The following ADGRB3 variants were observed in gnomAD, a reference collection of about 807,000 sequenced individuals.
ADGRB3 encodes the protein adhesion G protein-coupled receptor B3, also known as brain-specific angiogenesis inhibitor 3.
A neutral mutation model predicts 193.4 loss-of-function variants in ADGRB3; 37 were observed. That is an observed-to-expected ratio of 0.19 (90% CI 0.15 to 0.25). ADGRB3 has a LOEUF of 0.25. ADGRB3 is among the 10% of genes least tolerant of loss of function. ADGRB3 has a pLI of 1.00. For missense variants in ADGRB3, 1,637 were observed against 1,852.9 expected (o/e 0.88, Z 2.14); for synonymous variants, 690 against 644.2 (o/e 1.07, Z -1.08).
chr6:69,384,747 A>G (rs900554743), intron 31 of ADGRB3, among the ~76,000 whole-genome samples: 1 of 151,964 alleles, frequency 6.6e-6, no homozygotes, highest in Non-Finnish European at 1.5e-5. Context: ...TAGAGTTGTC[A>G]TTGCTGCTTG....
In ADGRB3 at chr6:69,261,717, T is replaced by C. The variant is rs138094444; in HGVS notation, c.2814+22491T>C. 3.3e-3 allele frequency among the ~76,000 whole-genome samples: 495 copies of C among 152,166 alleles called. 2 individuals are homozygous for C. The highest frequency in any genetic ancestry group is 0.011 in the African/African-American group (468 of 41,576). Reference sequence around the variant, plus strand: ...GTATTCATGGTAAATATTTGGTTTATGTTATATAGTACTTATTTCAGTAAT... The same window carrying C: ...GTATTCATGGTAAATATTTGGTTTACGTTATATAGTACTTATTTCAGTAAT... On this transcript the variant is annotated intron_variant, in intron 20 of 31. Coordinates refer to ENST00000370598, the MANE Select transcript of ADGRB3 (RefSeq NM_001704.3).
intron 3 of ADGRB3, among the ~76,000 whole-genome samples, chr6:68,717,904 A>G (rs1259214853): frequency 6.6e-6 from 1 of 151,726 alleles, no homozygotes; most frequent in Non-Finnish European, 1.5e-5. Context: ...CCTGGTAGAA[A>G]GAATAACTGA....
intron 30 of ADGRB3, among the ~76,000 whole-genome samples, chr6:69,373,544 T>TA (rs562165328): frequency 6.6e-6 from 1 of 152,122 alleles, no homozygotes; most frequent in Non-Finnish European, 1.5e-5. Context: ...AGCCTCATTG[T>TA]AGTAACTTAG....
intron 20 of ADGRB3, among the ~76,000 whole-genome samples, chr6:69,244,251 CT>C (rs1766444003): frequency 6.6e-6 from 1 of 151,732 alleles, no homozygotes; most frequent in Non-Finnish European, 1.5e-5. Context: ...GGTTATTTAC[CT>C]TTTATAAAGA....
chr6:68,838,173 T>C (rs1315752770), intron 3 of ADGRB3, among the ~76,000 whole-genome samples: 1 of 152,152 alleles, frequency 6.6e-6, no homozygotes, highest in Admixed American at 6.6e-5. Flanking sequence ...CTGGAGGCTT[T>C]CTCTTAAAAG....
intron 23 of ADGRB3, chr6:69,331,648 A>G: frequency 1.0e-6 from 1 of 985,382 alleles, no homozygotes; most frequent in Non-Finnish European, 1.2e-6. Context: ...ACTATTAGAC[A>G]CCTTTTTTGT....
intron 3 of ADGRB3, among the ~76,000 whole-genome samples, chr6:68,715,919 A>G (rs2064389): frequency 0.82 from 123,788 of 151,608 alleles, 50,804 homozygotes; most frequent in Middle Eastern, 0.93. Context: ...TTCTTGGAGT[A>G]GGTGTATTGG....
chr6:69,321,069 A>G (rs1768446086), intron 20 of ADGRB3, among the ~76,000 whole-genome samples: 1 of 151,690 alleles, frequency 6.6e-6, no homozygotes, highest in African/African-American at 2.4e-5. Flanking sequence ...ATTTTGGGCT[A>G]TGGTACATAT....
chr6:69,114,085 C>G (rs1773453040), intron 17 of ADGRB3, among the ~76,000 whole-genome samples: 1 of 152,104 alleles, frequency 6.6e-6, no homozygotes, highest in East Asian at 1.9e-4. Context: ...CTTAATATGG[C>G]TTTAGTAATT....
At chr6:68,815,356 G>A (rs1767608916) in intron 3 of ADGRB3, among the ~76,000 whole-genome samples, 1 of 152,078 alleles carries the variant, frequency 6.6e-6, no homozygotes, top group Non-Finnish European at 1.5e-5. Context: ...GGTAATTACA[G>A]TATTGACGTG....
chr6:69,164,071 G>A (rs1005134350), intron 17 of ADGRB3, among the ~76,000 whole-genome samples: 1 of 152,006 alleles, frequency 6.6e-6, no homozygotes. Flanking sequence ...GTCTAATTCA[G>A]CTTTGTTTCT....
At chr6:68,728,857 A>G (rs1398723217) in intron 3 of ADGRB3, among the ~76,000 whole-genome samples, 1 of 151,612 alleles carries the variant, frequency 6.6e-6, no homozygotes, top group African/African-American at 2.4e-5. Context: ...CTTGATTTTA[A>G]TAGGGAAAAT....
chr6:68,856,065 C>T (rs1764978801), intron 3 of ADGRB3, among the ~76,000 whole-genome samples: 1 of 152,194 alleles, frequency 6.6e-6, no homozygotes, highest in Admixed American at 6.5e-5. Context: ...CATAAGCTTT[C>T]TTCACCTGCT....
chr6:69,142,971 G>A (rs1774381659), intron 17 of ADGRB3, among the ~76,000 whole-genome samples: 1 of 152,158 alleles, frequency 6.6e-6, no homozygotes, highest in Non-Finnish European at 1.5e-5. Context: ...GTTCTCCATA[G>A]TGGTTATACT....
chr6:68,782,102 C>A (rs1766865080), intron 3 of ADGRB3, among the ~76,000 whole-genome samples: 1 of 144,696 alleles, frequency 6.9e-6, no homozygotes, highest in African/African-American at 2.6e-5. Context: ...GGTATATCTC[C>A]TAATGCTATC....
At chr6:69,283,654 GC>G (rs923932079) in intron 20 of ADGRB3, among the ~76,000 whole-genome samples, 1 of 151,042 alleles carries the variant, frequency 6.6e-6, no homozygotes, top group Admixed American at 6.6e-5. Flanking sequence ...AAAAAAAAAA[GC>G]CATAACTAGC....
At chr6:68,924,199 G>A (rs1767119236) in intron 3 of ADGRB3, among the ~76,000 whole-genome samples, 2 of 152,006 alleles carry the variant, frequency 1.3e-5, no homozygotes, top group African/African-American at 4.8e-5. Flanking sequence ...ACATTCAATT[G>A]CATAATGGAT....
intron 15 of ADGRB3, among the ~76,000 whole-genome samples, chr6:69,060,997 G>A (rs1225847556): frequency 6.6e-6 from 1 of 151,572 alleles, no homozygotes; most frequent in Non-Finnish European, 1.5e-5. Context: ...GGCAAAAGAA[G>A]CTTGACATTT....
chr6:68,661,473 A>G (rs1437302976), intron 3 of ADGRB3, among the ~76,000 whole-genome samples: 7 of 118,272 alleles, frequency 5.9e-5, no homozygotes, highest in South Asian at 2.9e-4. Flanking sequence ...GTGTATATAT[A>G]TGTGTATACA....
Sources: allele counts gnomAD v4.1 joint callset (sites outside exome capture counted in the v4.1 genomes callset), GRCh38; gene constraint gnomAD v4.1.1; transcripts MANE v1.5; gene names NCBI Gene and HGNC (gene_info 2026-07-23, HGNC 2026-07-21).